Variants in ZNF44 observed in about 807,000 individuals in gnomAD.
ZNF44 encodes the protein zinc finger protein 44, also known as gonadotropin inducible transcription repressor-2.
Under a neutral mutation model 11.7 loss-of-function variants are expected in ZNF44, and 9 were observed. That is an observed-to-expected ratio of 0.77 (90% CI 0.46 to 1.35). The LOEUF (loss-of-function observed/expected upper bound fraction) is 1.35, where lower values mean the gene tolerates loss of function less well. ZNF44 is among the 40% of genes most tolerant of loss of function. The probability of loss-of-function intolerance (pLI) is 0.00; values close to 1 mark genes in which losing one functional copy is unlikely to be tolerated. For synonymous variants in ZNF44, 224 were observed against 242.7 expected (o/e 0.92, Z 0.72); for missense variants, 696 against 743.1 (o/e 0.94, Z 0.74).
chr19:12,255,751 G>A (rs1025818963), intron 5 of ZNF44, among the ~76,000 whole-genome samples: 1 of 152,082 alleles, frequency 6.6e-6, no homozygotes, highest in African/African-American at 2.4e-5. Context: ...TAAAGCCTAC[G>A]TAGTCTGGCC....
At chr19:12,227,598 A>C (rs1442498157) in intron 3 of ZNF44, among the ~76,000 whole-genome samples, 1 of 152,210 alleles carries the variant, frequency 6.6e-6, no homozygotes, top group African/African-American at 2.4e-5. Flanking sequence ...AAAAGTGAAA[A>C]TCCGTCTCAG....
intron 1 of ZNF44, among the ~76,000 whole-genome samples, chr19:12,293,534 A>C (rs560140938): frequency 6.6e-6 from 1 of 152,308 alleles, no homozygotes. Context: ...TGAAATGTTA[A>C]GGAAAACAAA....
rs1184661267 is a variant in ZNF44 at position 12,272,334 on chromosome 19, A to G, written c.*73T>C. The G allele has an allele frequency of 7.0e-6, 10 of 1,438,564 alleles. No homozygotes were observed. The highest frequency in any genetic ancestry group is 1.6e-5 in the South Asian group (1 of 62,406). The allele number at this position is 1,438,564 out of a possible 1,614,324, so 89.1% of individuals were successfully genotyped here. On this transcript the variant is annotated 3_prime_UTR_variant, in exon 4 of 4. Transcript: ENST00000355684. ...CTTCTTAAGGCTTTACCACGTTTAC[A>G]TTCACAGGATTTATTTCTTTCAAGT...
In ZNF44 at chr19:12,294,767, C is replaced by G. The variant is rs1599557378; in HGVS notation, c.-73G>C. On this transcript the variant is annotated 5_prime_UTR_variant, in exon 1 of 4. Transcript: ENST00000355684. ...GTAGGTCCCAGCGCGACAAAAGCCA[C>G]CACAGATGTCCCAGGGCGTCTCTCA... The G allele has an allele frequency of 1.1e-5, 17 of 1,514,672 alleles. No homozygotes were observed. In the East Asian group the frequency reaches 4.2e-4, roughly 37 times the overall value. The allele number at this position is 1,514,672 out of a possible 1,614,324, so 93.8% of individuals were successfully genotyped here. A position where few individuals can be genotyped will look rare whatever the true frequency, so the allele number is the denominator to read the frequency against.
chr19:12,247,108 A>G (rs542110016), downstream of ZNF44, among the ~76,000 whole-genome samples: 1 of 152,192 alleles, frequency 6.6e-6, no homozygotes, highest in Non-Finnish European at 1.5e-5. Context: ...AAATACATTT[A>G]TAATATTTTT....
intron 5 of ZNF44, among the ~76,000 whole-genome samples, chr19:12,259,273 G>C (rs981857137): frequency 6.6e-6 from 1 of 152,164 alleles, no homozygotes; most frequent in South Asian, 2.1e-4. Context: ...AGGGATTTCT[G>C]CTCTATTTAT....
At chr19:12,246,978 G>A (rs1028190358), downstream of ZNF44, among the ~76,000 whole-genome samples, 63 of 151,800 alleles carry the variant, frequency 4.2e-4, no homozygotes, top group African/African-American at 1.5e-3. Context: ...CGACCAGCCT[G>A]GGCAAGATAA....
At chr19:12,227,695 CAATTAT>C (rs1221929354) in intron 3 of ZNF44, among the ~76,000 whole-genome samples, 1 of 152,218 alleles carries the variant, frequency 6.6e-6, no homozygotes, top group Non-Finnish European at 1.5e-5. Flanking sequence ...TTTAACATAA[CAATTAT>C]AATTATTACT....
chr19:12,272,232 T>C lies in ZNF44; in HGVS notation c.*175A>G. 1 of 1,102,088 alleles carries C rather than the reference T, an allele frequency of 9.1e-7. No individual in the cohort carries two copies. 68.3% of individuals were successfully genotyped at this position (1,102,088 alleles called of 1,614,324 possible). On this transcript the variant is annotated 3_prime_UTR_variant, in exon 4 of 4. Coordinates refer to ENST00000355684, the MANE Select transcript of ZNF44 (RefSeq NM_016264.4). ...GTTAGCCAGGCTGGTCTCGATCTCCTGGCCTCGTGATCTGCCCTCCTCGGC... is the reference window on the plus strand; with the variant it reads ...GTTAGCCAGGCTGGTCTCGATCTCCCGGCCTCGTGATCTGCCCTCCTCGGC...
At chr19:12,244,065 G>A (rs1357975080), downstream of ZNF44, among the ~76,000 whole-genome samples, 1 of 152,032 alleles carries the variant, frequency 6.6e-6, no homozygotes, top group Admixed American at 6.5e-5. Context: ...TGAGATGAGA[G>A]GGGTCTCATT....
chr19:12,250,775 G>A (rs1299712670), intron 5 of ZNF44: 12 of 456,132 alleles, frequency 2.6e-5, no homozygotes, highest in Admixed American at 2.6e-4. Flanking sequence ...GCACACTGAA[G>A]AACTAGAAGC....
downstream of ZNF44, chr19:12,247,501 C>T (rs768517031): frequency 6.7e-6 from 9 of 1,346,262 alleles, no homozygotes; most frequent in Admixed American, 1.4e-4. Context: ...CTACTGAAGG[C>T]TTTACCACAC....
downstream of ZNF44, chr19:12,224,700 C>T (rs1307075679): frequency 6.6e-6 from 1 of 152,130 alleles, no homozygotes; most frequent in Non-Finnish European, 1.5e-5. Context: ...CAGTCAAAGA[C>T]AGGTTTATTA....
intron 2 of ZNF44, among the ~76,000 whole-genome samples, chr19:12,233,881 A>C (rs1240870054): frequency 2.0e-5 from 3 of 151,926 alleles, no homozygotes; most frequent in Non-Finnish European, 2.9e-5. Context: ...GACCAACATG[A>C]TAAAACCCTG....
rs1568419645 is a variant in ZNF44, at chr19:12,233,570, A to AC, written n.380+1096_380+1097insG. 9.1e-3 allele frequency among the ~76,000 whole-genome samples: 1,353 copies of AC among 148,614 alleles called. 26 individuals are homozygous for AC. Among genetic ancestry groups the AC allele is most frequent in the African/African-American group, 0.033 (1,282 of 38,384 alleles). On this transcript the variant is annotated intron_variant and non_coding_transcript_variant, in intron 2 of 3. Coordinates refer to the ZNF44 transcript ENST00000597563. ...TACATCAAAAAAAAAAAAAAAAAAAAAACCTGACAATAGAAACTGCCTGTG... is the reference window on the plus strand; with the variant it reads ...TACATCAAAAAAAAAAAAAAAAAAAACAACCTGACAATAGAAACTGCCTGTG...
intron 5 of ZNF44, chr19:12,250,715 C>T (rs1470532652): frequency 2.2e-6 from 1 of 453,636 alleles, no homozygotes; most frequent in Non-Finnish European, 4.4e-6. Context: ...CATCACTCAA[C>T]ATTCCATGAG....
chr19:12,284,848 G>C, intron 1 of ZNF44: 8 of 990,324 alleles, frequency 8.1e-6, no homozygotes, highest in Non-Finnish European at 1.1e-5. Context: ...ACCGTCCCTT[G>C]CAAGGTGACA....
Position 12,258,828 on chromosome 19 carries a change from C to CAATA in ZNF44, c.1913-8464_1913-8461dup, listed in dbSNP as rs1185219739. Among the ~76,000 whole-genome samples the CAATA allele has an allele frequency of 1.6e-4, 25 of 151,994 alleles. No individual in the cohort carries two copies. In the South Asian group the frequency reaches 2.5e-3, roughly 15 times the overall value. The stretch of plus-strand genomic sequence containing the variant: ...TAGGTGACAGAGCGAGACTCTGTCT[C>CAATA]AATAAATAAATAAATAAATAACTCA... On this transcript the variant is annotated intron_variant and NMD_transcript_variant, in intron 5 of 7. Coordinates refer to the ZNF44 transcript ENST00000393337.
exon 4 of ZNF44, chr19:12,226,330 TTGGGACTCC>T (rs1915917463): frequency 6.6e-6 from 1 of 152,224 alleles, no homozygotes; most frequent in Non-Finnish European, 1.5e-5. Flanking sequence ...CTAAGATAAC[TTGGGACTCC>T]TGGCCTGTCA....
Sources: gnomAD v4.1 joint callset for allele counts (sites outside exome capture counted in the v4.1 genomes callset) on GRCh38, gnomAD v4.1.1 for gene constraint, MANE v1.5 for transcripts, NCBI Gene and HGNC (gene_info 2026-07-23, HGNC 2026-07-21) for gene names.